The following NFIA variants were observed in gnomAD, a reference collection of about 807,000 sequenced individuals.
NFIA encodes nuclear factor 1 A-type.
Under a neutral mutation model 62.8 loss-of-function variants are expected in NFIA, and 8 were observed. The observed-to-expected ratio is 0.13, with a 90% CI of 0.07 to 0.23. The LOEUF (loss-of-function observed/expected upper bound fraction) is 0.23, where lower values mean the gene tolerates loss of function less well. NFIA is among the 10% of genes least tolerant of loss of function. The pLI, the probability that NFIA is intolerant of heterozygous loss-of-function variation, is 1.00. For synonymous variants in NFIA, 235 were observed against 238.1 expected (o/e 0.99, Z 0.12); for missense variants, 410 against 642.1 (o/e 0.64, Z 3.91).
intron 6 of NFIA, among the ~76,000 whole-genome samples, chr1:61,360,442 T>A (rs1014467079): frequency 3.9e-5 from 6 of 152,250 alleles, no homozygotes; most frequent in African/African-American, 1.4e-4. Context: ...TCCCTTTTTA[T>A]AATCTGACAG....
intron 2 of NFIA, among the ~76,000 whole-genome samples, chr1:61,270,164 G>A (rs1026405058): frequency 6.6e-6 from 1 of 152,182 alleles, no homozygotes; most frequent in African/African-American, 2.4e-5. Context: ...GTGAAGATCT[G>A]TAGGGCAGAG....
At chr1:61,342,579 C>T (rs185587945) in intron 4 of NFIA, among the ~76,000 whole-genome samples, 6 of 152,324 alleles carry the variant, frequency 3.9e-5, no homozygotes, top group Admixed American at 2.0e-4. Flanking sequence ...CTCTGTTAGA[C>T]CAAGTGGCAG....
intron 9 of NFIA, among the ~76,000 whole-genome samples, chr1:61,416,288 A>G (rs1335947760): frequency 6.6e-6 from 1 of 152,102 alleles, no homozygotes; most frequent in Non-Finnish European, 1.5e-5. Flanking sequence ...TGATCTAATA[A>G]TCTTGTTTAT....
chr1:61,292,255 T>C (rs1309827923), intron 3 of NFIA, among the ~76,000 whole-genome samples: 2 of 152,226 alleles, frequency 1.3e-5, no homozygotes, highest in African/African-American at 2.4e-5. Flanking sequence ...TTCTAGACTA[T>C]GTGCTCCCTG....
At chr1:61,440,336 A>G (rs997786709) in intron 10 of NFIA, among the ~76,000 whole-genome samples, 6 of 152,222 alleles carry the variant, frequency 3.9e-5, no homozygotes, top group African/African-American at 1.4e-4. Context: ...CTAATCAACT[A>G]TATTATTAAA....
chr1:61,229,953 T>A (rs994467061), intron 2 of NFIA, among the ~76,000 whole-genome samples: 3 of 152,184 alleles, frequency 2.0e-5, no homozygotes, highest in Non-Finnish European at 4.4e-5. Context: ...AAAACAAAGA[T>A]GGCTGCTATC....
At chr1:61,365,099 C>T (rs1380295351) in intron 6 of NFIA, among the ~76,000 whole-genome samples, 2 of 152,088 alleles carry the variant, frequency 1.3e-5, no homozygotes, top group Non-Finnish European at 2.9e-5. Flanking sequence ...AGGCAGGAGG[C>T]TTGCTTGAGC....
At chr1:61,257,861 G>GTTTTTTTTTTTT (rs58077067) in intron 2 of NFIA, among the ~76,000 whole-genome samples, 4 of 126,462 alleles carry the variant, frequency 3.2e-5, no homozygotes, top group Admixed American at 8.1e-5. Context: ...ATGCTTAGCT[G>GTTTTTTTTTTTT]TTTTTTTTTT....
intron 6 of NFIA, among the ~76,000 whole-genome samples, chr1:61,367,655 C>T (rs1663663005): frequency 6.6e-6 from 1 of 152,140 alleles, no homozygotes; most frequent in Non-Finnish European, 1.5e-5. Flanking sequence ...ACCAAATGAG[C>T]ACTGTAACCA....
At chr1:61,260,674 G>T (rs911527907) in intron 2 of NFIA, among the ~76,000 whole-genome samples, 1 of 152,126 alleles carries the variant, frequency 6.6e-6, no homozygotes, top group Admixed American at 6.5e-5. Context: ...TCCGCCTCCC[G>T]GGTTCATGCC....
chr1:61,089,538 A>C (rs1380148556), intron 2 of NFIA, among the ~76,000 whole-genome samples: 2 of 152,124 alleles, frequency 1.3e-5, no homozygotes, highest in Non-Finnish European at 2.9e-5. Context: ...TGCTATGTGA[A>C]CGCTCAGGTC....
chr1:61,358,242 G>A (rs964535307), intron 5 of NFIA, among the ~76,000 whole-genome samples: 1 of 151,588 alleles, frequency 6.6e-6, no homozygotes, highest in Non-Finnish European at 1.5e-5. Context: ...TTTATTTCTA[G>A]TATTTAGAGC....
chr1:61,203,522 C>T (rs571284957), intron 2 of NFIA, among the ~76,000 whole-genome samples: 2 of 152,212 alleles, frequency 1.3e-5, no homozygotes, highest in South Asian at 4.2e-4. Flanking sequence ...AAACCCTGCT[C>T]ATCCTTCAGG....
At position 61,237,576 on chromosome 1, in the gene NFIA, C is replaced by A. The variant is rs188330220; in HGVS notation, c.560-39944C>A. On this transcript the variant is annotated intron_variant, in intron 2 of 10. Coordinates refer to ENST00000403491, the MANE Select transcript of NFIA (RefSeq NM_001134673.4). ...ACAAATAAAACCCATTGTGGGTGTTCTTTAATCAACAGAATCAACAGGAGA... is the reference window on the plus strand; with the variant it reads ...ACAAATAAAACCCATTGTGGGTGTTATTTAATCAACAGAATCAACAGGAGA... Among the ~76,000 whole-genome samples the A allele has an allele frequency of 1.6e-4, 25 of 152,268 alleles. No individual in the cohort carries two copies. In the East Asian group the frequency reaches 4.4e-3, roughly 27 times the overall value.
chr1:61,419,862 A>C (rs1306675447), intron 9 of NFIA, among the ~76,000 whole-genome samples: 1 of 152,186 alleles, frequency 6.6e-6, no homozygotes, highest in Non-Finnish European at 1.5e-5. Flanking sequence ...ATTACTAGCG[A>C]TAAGGAGGCT....
At chr1:61,332,664 C>G (rs1661359414) in intron 4 of NFIA, 78 bp downstream of exon 4, 1 of 1,174,196 alleles carries the variant, frequency 8.5e-7, no homozygotes, top group East Asian at 2.5e-5. Context: ...TCCTAGAGAC[C>G]AAAAAAAGCT....
chr1:61,179,058 A>G (rs1570323039), intron 2 of NFIA, among the ~76,000 whole-genome samples: 1 of 152,130 alleles, frequency 6.6e-6, no homozygotes, highest in African/African-American at 2.4e-5. Context: ...AGCCTGCCCC[A>G]CTTTGCCATG....
chr1:61,416,372 T>C (rs2100540594), intron 9 of NFIA, among the ~76,000 whole-genome samples: 1 of 152,312 alleles, frequency 6.6e-6, no homozygotes, highest in East Asian at 1.9e-4. Context: ...GCAATTTTTA[T>C]ACATCTAGCT....
chr1:61,232,256 T>C (rs1654720785), intron 2 of NFIA, among the ~76,000 whole-genome samples: 1 of 152,208 alleles, frequency 6.6e-6, no homozygotes, highest in South Asian at 2.1e-4. Flanking sequence ...TTCAGTTTTA[T>C]AGGCATTCCA....
Sources: allele counts gnomAD v4.1 joint callset (sites outside exome capture counted in the v4.1 genomes callset), GRCh38; gene constraint gnomAD v4.1.1; transcripts MANE v1.5; gene names NCBI Gene and HGNC (gene_info 2026-07-23, HGNC 2026-07-21).